Variants in MMP16 observed in about 807,000 individuals in gnomAD.
MMP16 encodes matrix metalloproteinase-16.
Under a neutral mutation model 67.8 loss-of-function variants are expected in MMP16, and 12 were observed. The ratio of observed to expected loss-of-function variants is 0.18; its 90% confidence interval spans 0.11 to 0.29. The LOEUF is 0.29. Ranked by LOEUF, MMP16 falls within the 10% of genes least tolerant of loss-of-function variation. MMP16 has a pLI of 1.00. For synonymous variants in MMP16, 249 were observed against 255.9 expected, an observed-to-expected ratio of 0.97 and a Z score of 0.26; for missense variants, 475 against 765.7, an observed-to-expected ratio of 0.62 and a Z score of 4.48.
intron 1 of MMP16, among the ~76,000 whole-genome samples, chr8:88,289,876 T>C (rs965788634): frequency 2.0e-5 from 3 of 152,076 alleles, no homozygotes; most frequent in South Asian, 2.1e-4. Context: ...AGAGTAGGGA[T>C]TGAAACTTCC....
chr8:88,194,376 A>G (rs556129966), intron 2 of MMP16, among the ~76,000 whole-genome samples: 64 of 152,188 alleles, frequency 4.2e-4, no homozygotes, highest in African/African-American at 1.5e-3. Context: ...TTTATGTAAT[A>G]AGTGTCAGAT....
In MMP16 at chr8:88,168,009, T is replaced by C. The variant is rs377307262; in HGVS notation, c.405-36A>G. On this transcript the variant is annotated intron_variant, in intron 3 of 9. Transcript: ENST00000286614. ...GAAAATATAATCATCAGTATTGTTA[T>C]GTATAAGCTAACTTAGTACAGGTTT... 160 of 1,500,804 alleles carry C rather than the reference T, an allele frequency of 1.1e-4. No individual in the cohort carries two copies. In the East Asian group the frequency reaches 2.0e-3, roughly 19 times the overall value. The allele number at this position is 1,500,804 out of a possible 1,614,324, so 93.0% of individuals were successfully genotyped here.
At chr8:88,213,911 G>A (rs1809549141) in intron 1 of MMP16, among the ~76,000 whole-genome samples, 1 of 152,002 alleles carries the variant, frequency 6.6e-6, no homozygotes, top group Non-Finnish European at 1.5e-5. Flanking sequence ...CAAATGTTTG[G>A]AAATGATCTA....
intron 1 of MMP16, among the ~76,000 whole-genome samples, chr8:88,294,193 CATAT>C (rs1333078733): frequency 6.7e-6 from 1 of 150,358 alleles, no homozygotes; most frequent in African/African-American, 2.4e-5. Context: ...TATATATACA[CATAT>C]ATAGACTATA....
intron 6 of MMP16, among the ~76,000 whole-genome samples, chr8:88,088,258 T>C (rs1328165343): frequency 6.6e-6 from 1 of 150,594 alleles, no homozygotes; most frequent in Admixed American, 6.7e-5. Context: ...GATATCTATA[T>C]ATAGAGAGAC....
At position 88,233,481 on chromosome 8, in the gene MMP16, C is replaced by T. The variant is rs150124391; in HGVS notation, c.133-36175G>A. On this transcript the variant is annotated intron_variant, in intron 1 of 9. Coordinates refer to ENST00000286614, the MANE Select transcript of MMP16 (RefSeq NM_005941.5). ...TTGGTTTATCTCCTTTGATCAATCC[C>T]AAATGCTCTTCTCATCAGTTCAGTT... Among the ~76,000 whole-genome samples, 102 of 152,314 alleles carry T rather than the reference C, an allele frequency of 6.7e-4. 1 individual carries two copies. The highest frequency in any genetic ancestry group is 2.0e-3 in the African/African-American group (85 of 41,570).
chr8:88,217,713 G>A (rs1809616549), intron 1 of MMP16, among the ~76,000 whole-genome samples: 1 of 151,896 alleles, frequency 6.6e-6, no homozygotes, highest in Non-Finnish European at 1.5e-5. Context: ...GAAAAAATTT[G>A]ATCCTTACTA....
chr8:88,179,504 A>C (rs1563554975), intron 3 of MMP16, among the ~76,000 whole-genome samples: 1 of 152,086 alleles, frequency 6.6e-6, no homozygotes, highest in Admixed American at 6.6e-5. Flanking sequence ...AGAAATGCAT[A>C]TCTCTTTAAA....
At chr8:88,284,055 T>C (rs753383734) in intron 1 of MMP16, among the ~76,000 whole-genome samples, 3 of 152,248 alleles carry the variant, frequency 2.0e-5, no homozygotes, top group Non-Finnish European at 2.9e-5. Flanking sequence ...TCACCTTTTG[T>C]ACACAAACAG....
At chr8:88,269,868 T>G (rs988535274) in intron 1 of MMP16, among the ~76,000 whole-genome samples, 1 of 152,220 alleles carries the variant, frequency 6.6e-6, no homozygotes, top group South Asian at 2.1e-4. Context: ...AACAAAGAGT[T>G]TACTTCATAA....
In MMP16 at chr8:88,220,429, A is replaced by T. The variant is rs28905469; in HGVS notation, c.133-23123T>A. ...TTGTCTGTATGTCTAGATTCTGCTG[A>T]TTACATCTCCACAGTATCACTGACC... On this transcript the variant is annotated intron_variant, in intron 1 of 9. Coordinates refer to ENST00000286614, the MANE Select transcript of MMP16 (RefSeq NM_005941.5). Among the ~76,000 whole-genome samples, 1,141 of 152,164 alleles carry T rather than the reference A, an allele frequency of 7.5e-3. 15 individuals carry two copies. Among genetic ancestry groups the T allele is most frequent in the Non-Finnish European group, 9.4e-3 (641 of 67,998 alleles).
chr8:88,272,419 A>G (rs1224058374), intron 1 of MMP16, among the ~76,000 whole-genome samples: 1 of 152,196 alleles, frequency 6.6e-6, no homozygotes, highest in Non-Finnish European at 1.5e-5. Flanking sequence ...ACAGCAGAAC[A>G]TCTTGAATCC....
chr8:88,256,067 T>C (rs928248638), intron 1 of MMP16, among the ~76,000 whole-genome samples: 11 of 152,188 alleles, frequency 7.2e-5, no homozygotes, highest in Non-Finnish European at 1.5e-5. Context: ...TTAAAACAGC[T>C]CATCTCCTAT....
At chr8:88,105,713 T>C (rs1304529535) in intron 6 of MMP16, among the ~76,000 whole-genome samples, 1 of 151,326 alleles carries the variant, frequency 6.6e-6, no homozygotes, top group African/African-American at 2.4e-5. Context: ...AGAGCCTAAT[T>C]CTAGAATATG....
chr8:88,290,316 G>A (rs1810906304), intron 1 of MMP16, among the ~76,000 whole-genome samples: 1 of 152,108 alleles, frequency 6.6e-6, no homozygotes, highest in Admixed American at 6.5e-5. Flanking sequence ...AACTTGGGAG[G>A]CCGAGGCGGG....
At chr8:88,047,290 G>C (rs1808211584) in intron 8 of MMP16, among the ~76,000 whole-genome samples, 1 of 152,026 alleles carries the variant, frequency 6.6e-6, no homozygotes. Flanking sequence ...GTTATTATAG[G>C]GCTAGAGATA....
Position 88,268,400 on chromosome 8 carries a change from G to A in MMP16, c.132+58675C>T, listed in dbSNP as rs751939419. On this transcript the variant is annotated intron_variant, in intron 1 of 9. Transcript: ENST00000286614. ...AAACAACAAAAAAATTCATTCATTC[G>A]TCTATTCAACAAAATATCTACTTGA... is the stretch of plus-strand genomic sequence containing the variant. 2.6e-5 allele frequency among the ~76,000 whole-genome samples: 4 copies of A among 152,164 alleles called. No individual in the cohort carries two copies. The East Asian group carries it at 5.8e-4, about 22-fold the overall frequency.
intron 8 of MMP16, 137 bp from the exon 9 acceptor site, chr8:88,046,921 A>C: frequency 2.1e-6 from 1 of 484,844 alleles, no homozygotes; most frequent in Non-Finnish European, 3.6e-6. Context: ...CCTGTTAATG[A>C]TTTACAGAAC....
intron 1 of MMP16, among the ~76,000 whole-genome samples, chr8:88,225,325 T>C (rs945690646): frequency 2.6e-5 from 4 of 152,028 alleles, no homozygotes. Context: ...ACAGACTGTG[T>C]TTGTCCATGT....
Sources: allele counts gnomAD v4.1 joint callset (sites outside exome capture counted in the v4.1 genomes callset), GRCh38; gene constraint gnomAD v4.1.1; transcripts MANE v1.5; gene names NCBI Gene and HGNC (gene_info 2026-07-23, HGNC 2026-07-21).